Variants in NFS1 observed in about 807,000 individuals in gnomAD.
NFS1 encodes the protein cysteine desulfurase.
NFS1 carries 26 observed loss-of-function variants against 57.3 expected under a neutral mutation model. The ratio of observed to expected loss-of-function variants is 0.45; its 90% CI spans 0.33 to 0.63. The LOEUF (loss-of-function observed/expected upper bound fraction) is 0.63, where lower values mean the gene tolerates loss of function less well. Among genes scored for constraint, NFS1 ranks in the 20% least tolerant of loss-of-function variants. NFS1 has a pLI of 0.02. For missense variants in NFS1, 505 were observed against 605.8 expected (o/e 0.83, Z 1.75); for synonymous variants, 209 against 216.3 (o/e 0.97, Z 0.30).
chr20:35,672,790 T>C lies in NFS1; in HGVS notation c.1275A>G (p.Lys425=), dbSNP rs780944303. The C allele has an allele frequency of 1.9e-6, 3 of 1,613,700 alleles. No homozygotes were observed. The African/African-American group carries it at 4.0e-5, about 22-fold the overall frequency. The change falls in exon 12 of 13, where the codon AAA becomes AAG. Residue 425 remains lysine, a synonymous_variant. Coordinates refer to ENST00000374092, the MANE Select transcript of NFS1 (RefSeq NM_021100.5). ...GAAGACGCTTCACATGCTGAATGCA[T>C]TTCTCCACTGTGTAGTCCACTTCCT... ...TEEEVDYTVE[K]CIQHVKRLRE...
chr20:35,698,901 G>T, intron 1 of NFS1: 2 of 1,318,072 alleles, frequency 1.5e-6, no homozygotes, highest in Non-Finnish European at 1.9e-6. Flanking sequence ...CCTTCTGACC[G>T]AAGGTAACGG....
Position 35,681,893 on chromosome 20 carries a change from T to C in NFS1, c.650A>G (p.Glu217Gly). 1 of 1,597,470 alleles carries C rather than the reference T, an allele frequency of 6.3e-7. No homozygotes were observed. Among genetic ancestry groups the C allele is most frequent in the Non-Finnish European group, 8.6e-7 (1 of 1,164,908 alleles). ...GGATAAGCCATGATACTCACCTATT[T>C]CTGCAATAGGCTGCTTCACTCCAAT... ...NEIGVKQPIA[E>G]IGRICSSRKV... Residue 217 changes from glutamate (E) to glycine (G), a missense_variant, in exon 6 of 13, where the codon GAA becomes GGA. Physicochemically the swap from Glu to Gly is moderately conservative, Grantham distance 98. Coordinates refer to ENST00000374092, the MANE Select transcript of NFS1 (RefSeq NM_021100.5).
At chr20:35,672,675 G>T in intron 12 of NFS1, 80 bp downstream of exon 12, 1 of 1,000,676 alleles carries the variant, frequency 1.0e-6, no homozygotes, top group Non-Finnish European at 1.6e-6. Context: ...GGTTTTGGCA[G>T]TGTAAACACA....
At chr20:35,690,640 G>A (rs1327155848) in intron 4 of NFS1, 75 bp from the exon 5 acceptor site, 1 of 1,478,728 alleles carries the variant, frequency 6.8e-7, no homozygotes, top group Admixed American at 1.8e-5. Flanking sequence ...CATTTGTAAA[G>A]GAAAAGTGGG....
chr20:35,672,547 G>T (rs562769327), intron 12 of NFS1, among the ~76,000 whole-genome samples: 3 of 152,212 alleles, frequency 2.0e-5, no homozygotes, highest in East Asian at 3.9e-4. Context: ...CACCCTGCCC[G>T]GCCTAGTTCT....
chr20:35,671,120 T>C (rs6121024), intron 12 of NFS1, among the ~76,000 whole-genome samples: 4,031 of 152,228 alleles, frequency 0.026, 190 homozygotes, highest in African/African-American at 0.092. Context: ...GATTGATTGA[T>C]TGAGACAGAG....
At chr20:35,690,312 A>G in intron 5 of NFS1, 101 bp downstream of exon 5, 1 of 1,053,148 alleles carries the variant, frequency 9.5e-7, no homozygotes, top group Non-Finnish European at 1.4e-6. Context: ...CCTAACTGTT[A>G]GATCTATTCC....
At chr20:35,681,142 T>A (rs2034841493) in intron 6 of NFS1, among the ~76,000 whole-genome samples, 1 of 151,892 alleles carries the variant, frequency 6.6e-6, no homozygotes, top group Non-Finnish European at 1.5e-5. Flanking sequence ...TTCTTATGCA[T>A]ACAATTCTCA....
intron 5 of NFS1, among the ~76,000 whole-genome samples, chr20:35,684,383 G>A (rs2034902664): frequency 6.7e-6 from 1 of 148,872 alleles, no homozygotes; most frequent in African/African-American, 2.5e-5. Context: ...ACTCCAGCCT[G>A]GGAGACAGAG....
Position 35,699,020 on chromosome 20 carries a change from C to G in NFS1, c.97+172G>C, listed in dbSNP as rs1285665467. The G allele has an allele frequency of 3.0e-6, 4 of 1,323,976 alleles. No individual in the cohort carries two copies. The South Asian group carries it at 6.3e-5, about 21-fold the overall frequency. 82.0% of individuals were successfully genotyped at this position (1,323,976 alleles called of 1,614,324 possible). A position where few individuals can be genotyped will look rare whatever the true frequency, so the allele number is the denominator to read the frequency against. ...GCGCAGGGTGCGAGGGGTGGTGCGC[C>G]GGGGTCAACCGTTCGGGGACCCGCC... On this transcript the variant is annotated intron_variant, in intron 1 of 12. Transcript: ENST00000374092. The surrounding 1 kb of genome is among the most constrained non-coding windows in gnomAD (Gnocchi z 4.4).
At chr20:35,687,394 G>A (rs572758482) in intron 5 of NFS1, among the ~76,000 whole-genome samples, 13 of 152,200 alleles carry the variant, frequency 8.5e-5, no homozygotes, top group African/African-American at 2.9e-4. Flanking sequence ...AAATAATGGC[G>A]TAAGCTGTCT....
rs1326115283 is a variant in NFS1 at position 35,668,405 on chromosome 20, C to T, written c.*1217G>A. 6.6e-6 allele frequency: 1 copy of T among 152,212 alleles called. No individual in the cohort carries two copies. Among genetic ancestry groups the T allele is most frequent in the African/African-American group, 2.4e-5 (1 of 41,450 alleles). 9.4% of individuals were successfully genotyped at this position (152,212 alleles called of 1,614,324 possible). Reference sequence around the variant, plus strand: ...GCATAAATGTACTCTAACATACTATCTCCTTTTTTAAGTACTGGTAACTAC... The same window carrying T: ...GCATAAATGTACTCTAACATACTATTTCCTTTTTTAAGTACTGGTAACTAC... On this transcript the variant is annotated 3_prime_UTR_variant, in exon 13 of 13. Transcript: ENST00000374092.
At chr20:35,673,204 C>T (rs6060547) in intron 11 of NFS1, among the ~76,000 whole-genome samples, 15,510 of 151,904 alleles carry the variant, frequency 0.1, 823 homozygotes, top group South Asian at 0.15. Context: ...AGGAGAATTG[C>T]TTGAACCTGC....
chr20:35,695,132 A>G (rs1568966394), intron 4 of NFS1, among the ~76,000 whole-genome samples: 1 of 152,216 alleles, frequency 6.6e-6, no homozygotes, highest in Non-Finnish European at 1.5e-5. Context: ...GAATCTGTGG[A>G]GACTTCCAAA....
chr20:35,678,677 TG>T (rs1280631964), intron 7 of NFS1, among the ~76,000 whole-genome samples: 1 of 151,932 alleles, frequency 6.6e-6, no homozygotes, highest in Non-Finnish European at 1.5e-5. Flanking sequence ...CACTCCAGCC[TG>T]GGCGTCAGAG....
intron 7 of NFS1, among the ~76,000 whole-genome samples, chr20:35,678,778 G>C (rs1202070733): frequency 6.6e-6 from 1 of 151,750 alleles, no homozygotes; most frequent in Non-Finnish European, 1.5e-5. Context: ...AGGGTTGCTT[G>C]AGCCCAGGAG....
chr20:35,696,323 A>G, intron 4 of NFS1, 54 bp downstream of exon 4: 1 of 1,184,192 alleles, frequency 8.4e-7, no homozygotes, highest in South Asian at 1.2e-5. Context: ...ATGGAGGGAC[A>G]CTATCTCCTA....
chr20:35,692,211 T>A (rs2035053891), intron 4 of NFS1: 1 of 253,422 alleles, frequency 3.9e-6, no homozygotes, highest in Non-Finnish European at 7.6e-6. Context: ...TAAATAAAAA[T>A]AAAAATACAA....
intron 12 of NFS1, among the ~76,000 whole-genome samples, chr20:35,672,346 T>G (rs908957119): frequency 1.3e-5 from 2 of 151,966 alleles, no homozygotes; most frequent in African/African-American, 4.8e-5. Flanking sequence ...CCCTCCCAGG[T>G]TGAAGTGATT....
Sources: gnomAD v4.1 joint callset for allele counts (sites outside exome capture counted in the v4.1 genomes callset) on GRCh38, gnomAD v4.1.1 for gene constraint, Gnocchi (gnomAD v3.1) non-coding constraint, MANE v1.5 for transcripts, NCBI Gene and HGNC (gene_info 2026-07-23, HGNC 2026-07-21) for gene names.